The following HTR7 variants were observed in gnomAD, a reference collection of about 807,000 sequenced individuals.
The protein encoded by HTR7 is 5-HT-7.
A neutral mutation model predicts 34.0 loss-of-function variants in HTR7; 16 were observed. That is an observed-to-expected ratio of 0.47 (90% CI 0.32 to 0.71). The LOEUF (loss-of-function observed/expected upper bound fraction) is 0.71. Ranked by LOEUF, HTR7 falls within the 30% of genes least tolerant of loss-of-function variation. The pLI is 0.04. For synonymous variants in HTR7, 265 were observed against 260.2 expected (o/e 1.02, Z -0.18); for missense variants, 504 against 625.5 (o/e 0.81, Z 2.07).
chr10:90,806,467 C>T (rs1486670237), intron 1 of HTR7, among the ~76,000 whole-genome samples: 3 of 151,974 alleles, frequency 2.0e-5, no homozygotes, highest in Non-Finnish European at 4.4e-5. Flanking sequence ...GGCGTGGTGG[C>T]GGGCGCCTGT....
At chr10:90,836,843 T>A (rs1436301812) in intron 1 of HTR7, among the ~76,000 whole-genome samples, 2 of 152,170 alleles carry the variant, frequency 1.3e-5, no homozygotes, top group Non-Finnish European at 2.9e-5. Flanking sequence ...TCACATTAAC[T>A]CTACAGTGAT....
At chr10:90,745,755 T>C (rs1488479349) in intron 2 of HTR7, among the ~76,000 whole-genome samples, 6 of 152,238 alleles carry the variant, frequency 3.9e-5, no homozygotes, top group Non-Finnish European at 7.3e-5. Flanking sequence ...CAGCCCCTTT[T>C]TGTAAATAAA....
At chr10:90,786,762 T>C (rs1286875749) in intron 1 of HTR7, among the ~76,000 whole-genome samples, 5 of 152,192 alleles carry the variant, frequency 3.3e-5, no homozygotes, top group Admixed American at 6.5e-5. Context: ...GCCTTCAAGA[T>C]GTTTGTTCAA....
At chr10:90,760,937 C>CA (rs1416130628) in intron 1 of HTR7, among the ~76,000 whole-genome samples, 1 of 151,994 alleles carries the variant, frequency 6.6e-6, no homozygotes, top group African/African-American at 2.4e-5. Context: ...TATTATGTGT[C>CA]AAAAAAATTA....
At chr10:90,782,859 C>G (rs1845325261) in intron 1 of HTR7, among the ~76,000 whole-genome samples, 1 of 152,042 alleles carries the variant, frequency 6.6e-6, no homozygotes, top group African/African-American at 2.4e-5. Context: ...TTGCTCATAC[C>G]ATTGATTCCA....
At position 90,781,845 on chromosome 10, in the gene HTR7, C is replaced by T. The variant is rs865871706; in HGVS notation, c.540-32251G>A. On this transcript the variant is annotated intron_variant, in intron 1 of 3. Coordinates refer to ENST00000336152, the MANE Select transcript of HTR7 (RefSeq NM_019859.4). ...CAATTTAGTTAACGGCATAACCCTG[C>T]CTGTGGCCATAGTAAGCACAGGCAG... 6.6e-5 allele frequency among the ~76,000 whole-genome samples: 10 copies of T among 152,214 alleles called. No homozygotes were observed. In the East Asian group the frequency reaches 7.7e-4, roughly 12 times the overall value.
At chr10:90,791,270 G>A (rs1313040470) in intron 1 of HTR7, among the ~76,000 whole-genome samples, 1 of 151,806 alleles carries the variant, frequency 6.6e-6, no homozygotes, top group East Asian at 1.9e-4. Context: ...AGACAAATGT[G>A]GAAAGTGCCA....
intron 1 of HTR7, among the ~76,000 whole-genome samples, chr10:90,850,595 C>T (rs1003602226): frequency 7.2e-5 from 11 of 151,986 alleles, no homozygotes; most frequent in East Asian, 1.9e-4. Flanking sequence ...AGTCAGGAAA[C>T]GAAGAGTCAA....
intron 1 of HTR7, among the ~76,000 whole-genome samples, chr10:90,848,709 A>G (rs1010507389): frequency 2.0e-5 from 3 of 152,248 alleles, no homozygotes; most frequent in African/African-American, 7.2e-5. Flanking sequence ...ATATGTTTCA[A>G]AATTTATATA....
At chr10:90,799,982 C>T (rs181121028) in intron 1 of HTR7, among the ~76,000 whole-genome samples, 59 of 152,204 alleles carry the variant, frequency 3.9e-4, no homozygotes, top group African/African-American at 1.3e-3. Flanking sequence ...ATAATAGAGC[C>T]ACAAACAATC....
At chr10:90,759,300 C>A (rs897281979) in intron 1 of HTR7, among the ~76,000 whole-genome samples, 1 of 151,752 alleles carries the variant, frequency 6.6e-6, no homozygotes, top group Non-Finnish European at 1.5e-5. Context: ...TGCCCATAAA[C>A]CCTATTTTGG....
intron 1 of HTR7, among the ~76,000 whole-genome samples, chr10:90,768,467 C>G (rs142166872): frequency 6.6e-6 from 1 of 152,266 alleles, no homozygotes; most frequent in Non-Finnish European, 1.5e-5. Context: ...ATATGTATCA[C>G]TTTTATTAAA....
At chr10:90,796,795 T>G (rs1208711975) in intron 1 of HTR7, among the ~76,000 whole-genome samples, 1 of 151,980 alleles carries the variant, frequency 6.6e-6, no homozygotes, top group Admixed American at 6.6e-5. Flanking sequence ...GATCACAAAG[T>G]CAGGAGATTG....
rs1846619442 is a variant in HTR7 at position 90,857,798 on chromosome 10, T to TG, written c.-128dup. On this transcript the variant is annotated 5_prime_UTR_variant, in exon 1 of 4. Coordinates refer to ENST00000336152, the MANE Select transcript of HTR7 (RefSeq NM_019859.4). This position sits in a 1 kb window ranked among gnomAD's most constrained non-coding sequence, Gnocchi z 6.5. ...CAGCCATGGGGCCCGCGCCGACCGC[T>TG]GGGGGGCGCCTGGCTCTGTCTCGGA... The TG allele has an allele frequency of 4.4e-6, 4 of 908,232 alleles. No homozygotes were observed. The highest frequency in any genetic ancestry group is 1.8e-5 in the African/African-American group (1 of 56,684). 56.3% of individuals were successfully genotyped at this position (908,232 alleles called of 1,614,324 possible). A position where few individuals can be genotyped will look rare whatever the true frequency, so the allele number is the denominator to read the frequency against.
chr10:90,770,018 C>G (rs922478991), intron 1 of HTR7, among the ~76,000 whole-genome samples: 1 of 152,244 alleles, frequency 6.6e-6, no homozygotes, highest in African/African-American at 2.4e-5. Context: ...CCCCTGTGCC[C>G]CGCATCCCCA....
At chr10:90,831,003 G>T (rs1427088884) in intron 1 of HTR7, among the ~76,000 whole-genome samples, 2 of 152,200 alleles carry the variant, frequency 1.3e-5, no homozygotes, top group African/African-American at 4.8e-5. Context: ...GCTTCAAGCA[G>T]GCACTTACTC....
At chr10:90,850,696 A>G (rs941608015) in intron 1 of HTR7, among the ~76,000 whole-genome samples, 2 of 152,264 alleles carry the variant, frequency 1.3e-5, no homozygotes, top group Non-Finnish European at 2.9e-5. Context: ...ATCAGTTTAA[A>G]AAGCTTAAAT....
At chr10:90,844,798 G>A (rs1479368979) in intron 1 of HTR7, among the ~76,000 whole-genome samples, 1 of 141,098 alleles carries the variant, frequency 7.1e-6, no homozygotes, top group Admixed American at 7.3e-5. Context: ...CACTCTGGCT[G>A]CACATTGGGA....
intron 1 of HTR7, among the ~76,000 whole-genome samples, chr10:90,825,320 C>G (rs1414881529): frequency 6.6e-6 from 1 of 152,130 alleles, no homozygotes; most frequent in Non-Finnish European, 1.5e-5. Flanking sequence ...GCGGCAGTGA[C>G]CAAAAACTTA....
Sources: allele counts gnomAD v4.1 joint callset (sites outside exome capture counted in the v4.1 genomes callset), GRCh38; gene constraint gnomAD v4.1.1; non-coding constraint Gnocchi (gnomAD v3.1); transcripts MANE v1.5; gene names NCBI Gene and HGNC (gene_info 2026-07-23, HGNC 2026-07-21).